The following PIN4 variants were observed in gnomAD, a reference collection of about 807,000 sequenced individuals.
PIN4 encodes peptidylprolyl cis/trans isomerase, NIMA-interacting 4, also known as peptidyl-prolyl cis-trans isomerase NIMA-interacting 4.
Under a neutral mutation model 8.3 loss-of-function variants are expected in PIN4, and 3 were observed. That is an observed-to-expected ratio of 0.36 (90% CI 0.16 to 0.93). PIN4 has a LOEUF of 0.93. PIN4 is among the 40% of genes least tolerant of loss of function. The pLI is 0.44. For missense variants in PIN4, 75 were observed against 100.6 expected (o/e 0.75, Z 1.09); for synonymous variants, 18 against 32.5 (o/e 0.55, Z 1.52).
At chrX:72,248,317 A>G (rs2043075115) in intron 3 of PIN4, among the ~76,000 whole-genome samples, 3 of 53,077 alleles carry the variant, frequency 5.7e-5, no homozygotes, top group African/African-American at 2.2e-4. Context: ...AAAAAAAAAA[A>G]AAAAAAAAAA....
intron 3 of PIN4, among the ~76,000 whole-genome samples, chrX:72,253,798 C>G (rs188748302): frequency 1.0e-3 from 107 of 104,830 alleles, no homozygotes; most frequent in African/African-American, 3.4e-3. Context: ...GAAAACAAAA[C>G]AAAACAAAAA....
chrX:72,197,114 G>A (rs1017217721), intron 3 of PIN4: 1 of 453,940 alleles, frequency 2.2e-6, no homozygotes, highest in East Asian at 3.8e-5. Context: ...GTAGAATAAG[G>A]GTCATCTATG....
At chrX:72,249,540 C>T (rs1055481529) in intron 3 of PIN4, among the ~76,000 whole-genome samples, 1 of 111,983 alleles carries the variant, frequency 8.9e-6, no homozygotes. Context: ...CCCTGGATGC[C>T]TGAATGGATA....
At chrX:72,218,404 G>A (rs2042899526) in intron 3 of PIN4, among the ~76,000 whole-genome samples, 2 of 110,912 alleles carry the variant, frequency 1.8e-5, no homozygotes, top group African/African-American at 3.3e-5. Flanking sequence ...CACCACGGTC[G>A]GCTAAACTAC....
chrX:72,194,710 A>G, intron 2 of PIN4, among the ~76,000 whole-genome samples: 1 of 83,997 alleles, frequency 1.2e-5, no homozygotes, highest in African/African-American at 6.1e-5. Flanking sequence ...TCAAAAAAAA[A>G]AAAAAAAAAA....
intron 3 of PIN4, among the ~76,000 whole-genome samples, chrX:72,232,735 G>A (rs764508188): frequency 1.8e-5 from 2 of 111,771 alleles, no homozygotes; most frequent in East Asian, 2.8e-4. Context: ...ACTTGAACCC[G>A]GGAGGTGGAG....
At chrX:72,260,148 G>A (rs2043132222) in intron 3 of PIN4, among the ~76,000 whole-genome samples, 1 of 111,895 alleles carries the variant, frequency 8.9e-6, no homozygotes, top group African/African-American at 3.3e-5. Flanking sequence ...GCTGGGTTAA[G>A]AGAGTGGGAT....
intron 3 of PIN4, among the ~76,000 whole-genome samples, chrX:72,230,913 C>T (rs749850949): frequency 4.5e-5 from 5 of 111,880 alleles, no homozygotes; most frequent in Admixed American, 9.5e-5. Context: ...TTCAGTGAGC[C>T]GAGATCGTGC....
At chrX:72,203,401 TCAGA>T (rs1015587495) in intron 3 of PIN4, among the ~76,000 whole-genome samples, 4 of 111,843 alleles carry the variant, frequency 3.6e-5, no homozygotes, top group Admixed American at 2.8e-4. Flanking sequence ...TGTAGCCAAG[TCAGA>T]CAGAAGTGTG....
chrX:72,205,592 A>C, intron 3 of PIN4: 2 of 1,211,319 alleles, frequency 1.7e-6, no homozygotes, highest in Non-Finnish European at 2.2e-6. Flanking sequence ...GAAGCATCAA[A>C]TTGTTTCACA....
chrX:72,248,719 A>G (rs796783036), intron 3 of PIN4, among the ~76,000 whole-genome samples: 1 of 111,369 alleles, frequency 9.0e-6, no homozygotes, highest in South Asian at 3.8e-4. Flanking sequence ...TCTACTAAAA[A>G]TACAAAAATT....
intron 1 of PIN4, among the ~76,000 whole-genome samples, chrX:72,183,906 C>T (rs1030673780): frequency 1.8e-5 from 2 of 110,531 alleles, no homozygotes; most frequent in African/African-American, 6.6e-5. Context: ...GATGGAGGGG[C>T]AGGGACTCAG....
intron 3 of PIN4, among the ~76,000 whole-genome samples, chrX:72,211,738 C>T (rs1411931631): frequency 2.7e-5 from 3 of 109,899 alleles, no homozygotes. Flanking sequence ...GAGCCATGAT[C>T]GCACCACTGC....
intron 3 of PIN4, among the ~76,000 whole-genome samples, chrX:72,245,589 G>T (rs946096163): frequency 1.8e-5 from 2 of 111,641 alleles, no homozygotes; most frequent in Non-Finnish European, 3.8e-5. Flanking sequence ...GAGACTGAGG[G>T]TTTAATCTCC....
At chrX:72,226,312 A>T (rs921446681) in intron 3 of PIN4, among the ~76,000 whole-genome samples, 1 of 112,084 alleles carries the variant, frequency 8.9e-6, no homozygotes, top group Non-Finnish European at 1.9e-5. Flanking sequence ...CAAGCAGGGT[A>T]TGCTATCATT....
At chrX:72,238,995 A>G in intron 3 of PIN4, 1 of 971,842 alleles carries the variant, frequency 1.0e-6, no homozygotes, top group Non-Finnish European at 1.4e-6. Context: ...TAGAGTTTGG[A>G]GCTTGAATTT....
chrX:72,242,944 C>T (rs1204851552), intron 3 of PIN4, among the ~76,000 whole-genome samples: 4 of 111,033 alleles, frequency 3.6e-5, no homozygotes, highest in Non-Finnish European at 7.6e-5. Flanking sequence ...ACCCAGGAGG[C>T]GGAGGTTGCA....
chrX:72,231,152 C>T (rs141813980), intron 3 of PIN4, among the ~76,000 whole-genome samples: 2,157 of 111,620 alleles, frequency 0.019, 26 homozygotes, highest in African/African-American at 0.053. Flanking sequence ...TTCATAGTAG[C>T]CAAGAAAAGG....
At chrX:72,219,722 G>A (rs987030819) in intron 3 of PIN4, among the ~76,000 whole-genome samples, 15 of 108,949 alleles carry the variant, frequency 1.4e-4, no homozygotes, top group Non-Finnish European at 1.5e-4. Context: ...GGTGGTGCAC[G>A]CCTGTCATCC....
Sources: gnomAD v4.1 joint callset for allele counts (sites outside exome capture counted in the v4.1 genomes callset) on GRCh38, gnomAD v4.1.1 for gene constraint, MANE v1.5 for transcripts, NCBI Gene and HGNC (gene_info 2026-07-23, HGNC 2026-07-21) for gene names.